The following TAFA2 variants were observed in gnomAD, a reference collection of about 807,000 sequenced individuals.
TAFA2 encodes TAFA chemokine like family member 2.
In TAFA2, 7 loss-of-function variants were observed where a neutral mutation model predicts 18.8. The ratio of observed to expected loss-of-function variants is 0.37; its 90% confidence interval spans 0.21 to 0.70. TAFA2 has a LOEUF of 0.70. Ranked by LOEUF, TAFA2 falls within the 30% of genes least tolerant of loss-of-function variation. TAFA2 has a pLI of 0.53. For missense variants in TAFA2, 122 were observed against 158.1 expected (o/e 0.77, Z 1.23); for synonymous variants, 60 against 54.2 (o/e 1.11, Z -0.47).
At chr12:62,101,918 T>C (rs1156347159) in intron 1 of TAFA2, among the ~76,000 whole-genome samples, 4 of 151,976 alleles carry the variant, frequency 2.6e-5, no homozygotes, top group Non-Finnish European at 4.4e-5. Context: ...AAACACATAG[T>C]AGTGCTGACA....
At chr12:61,870,725 C>A (rs1874563753) in intron 1 of TAFA2, among the ~76,000 whole-genome samples, 1 of 152,140 alleles carries the variant, frequency 6.6e-6, no homozygotes, top group Admixed American at 6.6e-5. Context: ...AATATGTTAG[C>A]TATTCCCTCC....
intron 1 of TAFA2, among the ~76,000 whole-genome samples, chr12:62,110,416 C>T (rs1869669711): frequency 6.6e-6 from 1 of 152,048 alleles, no homozygotes; most frequent in Non-Finnish European, 1.5e-5. Context: ...TGATGTTCAT[C>T]AGGGATATTG....
At chr12:61,843,465 T>G (rs1464002829) in intron 2 of TAFA2, among the ~76,000 whole-genome samples, 2 of 152,092 alleles carry the variant, frequency 1.3e-5, no homozygotes, top group South Asian at 4.1e-4. Context: ...AGTCCATACT[T>G]AGGATAGTAA....
chr12:62,222,915 T>C (rs1178669206), intron 1 of TAFA2, among the ~76,000 whole-genome samples: 2 of 152,050 alleles, frequency 1.3e-5, no homozygotes, highest in Non-Finnish European at 2.9e-5. Context: ...AAAGATCTTA[T>C]AACAATTTTT....
intron 1 of TAFA2, among the ~76,000 whole-genome samples, chr12:61,924,801 AAT>A (rs1317621009): frequency 6.6e-6 from 1 of 151,722 alleles, no homozygotes; most frequent in Non-Finnish European, 1.5e-5. Context: ...TGGCAAATTC[AAT>A]AGAGTCAAGA....
At chr12:61,878,766 G>A (rs1239196206) in intron 1 of TAFA2, among the ~76,000 whole-genome samples, 1 of 152,116 alleles carries the variant, frequency 6.6e-6, no homozygotes, top group East Asian at 1.9e-4. Flanking sequence ...TGTAAGTCTT[G>A]TATCTGTAAA....
chr12:61,902,102 A>AAC lies in TAFA2; in HGVS notation c.-1-34677_-1-34676insGT, dbSNP rs1277247906. Among the ~76,000 whole-genome samples the AAC allele has an allele frequency of 5.3e-5, 8 of 151,794 alleles. No individual in the cohort carries two copies. The East Asian group carries it at 1.5e-3, about 29-fold the overall frequency. On this transcript the variant is annotated intron_variant, in intron 1 of 4. Coordinates refer to ENST00000416284, the MANE Select transcript of TAFA2 (RefSeq NM_178539.5). Reference sequence around the variant, plus strand: ...TGGTGCAGGAATGTTAAAAAAAAAAAAAAAAAAAAAACCTGTATCTTTCTG... The same window carrying AAC: ...TGGTGCAGGAATGTTAAAAAAAAAAAACAAAAAAAAAAACCTGTATCTTTCTG...
rs1229535089 is a variant in TAFA2 at position 62,038,185 on chromosome 12, G to C, written c.-2+153074C>G. On this transcript the variant is annotated intron_variant, in intron 1 of 4. Coordinates refer to ENST00000416284, the MANE Select transcript of TAFA2 (RefSeq NM_178539.5). ...AAGTCTTGAGATTTGATGTACAACA[G>C]AGAATTATAGTTAATAATATTGTAT... 2.0e-5 allele frequency among the ~76,000 whole-genome samples: 3 copies of C among 152,128 alleles called. No individual in the cohort carries two copies. In the East Asian group the frequency reaches 5.8e-4, roughly 29 times the overall value.
At chr12:61,868,928 T>G (rs1400017038) in intron 1 of TAFA2, among the ~76,000 whole-genome samples, 1 of 152,174 alleles carries the variant, frequency 6.6e-6, no homozygotes, top group Non-Finnish European at 1.5e-5. Flanking sequence ...TCTGCAAATT[T>G]CTGGATCTCC....
chr12:62,081,773 C>T (rs1868329160), intron 1 of TAFA2, among the ~76,000 whole-genome samples: 2 of 152,142 alleles, frequency 1.3e-5, no homozygotes, highest in South Asian at 4.1e-4. Context: ...GCATGAGCCA[C>T]CGCGCCCAAC....
At chr12:61,918,076 T>A (rs1016682409) in intron 1 of TAFA2, among the ~76,000 whole-genome samples, 1 of 152,102 alleles carries the variant, frequency 6.6e-6, no homozygotes, top group Non-Finnish European at 1.5e-5. Context: ...CATGACATAT[T>A]TTGATACAGG....
chr12:61,850,626 T>C (rs1873602057), intron 2 of TAFA2, among the ~76,000 whole-genome samples: 1 of 152,080 alleles, frequency 6.6e-6, no homozygotes, highest in South Asian at 2.1e-4. Context: ...AATAGGAAGA[T>C]TTATTCTCCT....
At chr12:62,125,940 G>A (rs1870438737) in intron 1 of TAFA2, among the ~76,000 whole-genome samples, 1 of 152,122 alleles carries the variant, frequency 6.6e-6, no homozygotes, top group South Asian at 2.1e-4. Context: ...CTCAGTGCTT[G>A]GCATATAATA....
intron 1 of TAFA2, among the ~76,000 whole-genome samples, chr12:62,217,559 A>G (rs1001482887): frequency 6.6e-6 from 1 of 152,182 alleles, no homozygotes; most frequent in East Asian, 1.9e-4. Flanking sequence ...GCCCAAGATC[A>G]AGTCCCTTTC....
At chr12:61,995,136 C>G (rs561121939) in intron 1 of TAFA2, among the ~76,000 whole-genome samples, 2 of 152,212 alleles carry the variant, frequency 1.3e-5, no homozygotes, top group Admixed American at 6.5e-5. Flanking sequence ...TTATAATGTT[C>G]TCCAAGGCTA....
chr12:61,928,114 G>T (rs11174240), intron 1 of TAFA2, among the ~76,000 whole-genome samples: 11,358 of 152,234 alleles, frequency 0.075, 573 homozygotes, highest in East Asian at 0.21. Context: ...AAGACTTCAT[G>T]ACTAAAACAT....
At chr12:62,175,757 T>C (rs1243330009) in intron 1 of TAFA2, among the ~76,000 whole-genome samples, 1 of 152,106 alleles carries the variant, frequency 6.6e-6, no homozygotes, top group Non-Finnish European at 1.5e-5. Flanking sequence ...GCACAATCTA[T>C]AGCAATACTT....
Position 62,001,676 on chromosome 12 carries a change from G to A in TAFA2, c.-1-134250C>T, listed in dbSNP as rs576167253. ...TGAAAATACAGACGAAGCTTCACTT[G>A]CCCTCCTGCTGCTCACCCCCTGCTG... On this transcript the variant is annotated intron_variant, in intron 1 of 4. Coordinates refer to ENST00000416284, the MANE Select transcript of TAFA2 (RefSeq NM_178539.5). Among the ~76,000 whole-genome samples the A allele has an allele frequency of 3.3e-5, 5 of 152,176 alleles. 1 individual carries two copies. In the South Asian group the frequency reaches 1.0e-3, roughly 32 times the overall value.
intron 1 of TAFA2, among the ~76,000 whole-genome samples, chr12:61,893,184 G>A (rs374397255): frequency 6.6e-6 from 1 of 152,190 alleles, no homozygotes; most frequent in African/African-American, 2.4e-5. Context: ...CGAGTCCAAA[G>A]TTTTGACTAT....
Sources: allele counts gnomAD v4.1 joint callset (sites outside exome capture counted in the v4.1 genomes callset), GRCh38; gene constraint gnomAD v4.1.1; transcripts MANE v1.5; gene names NCBI Gene and HGNC (gene_info 2026-07-23, HGNC 2026-07-21).